EPHA5: variants seen among roughly 807,000 people sequenced by gnomAD.
The protein encoded by EPHA5 is ephrin type-A receptor 5.
EPHA5 carries 60 observed loss-of-function variants against 105.0 expected under a neutral mutation model. That is an observed-to-expected ratio of 0.57 (90% CI 0.46 to 0.71). The LOEUF (loss-of-function observed/expected upper bound fraction) is 0.71, where lower values mean the gene tolerates loss of function less well. Among genes scored for constraint, EPHA5 ranks in the 30% least tolerant of loss-of-function variants. EPHA5 has a pLI of 0.00. For missense variants in EPHA5, 1,218 were observed against 1,274.7 expected (o/e 0.96, Z 0.68); for synonymous variants, 513 against 449.1 (o/e 1.14, Z -1.80).
At chr4:65,358,171 C>G (rs79133319) in intron 11 of EPHA5, among the ~76,000 whole-genome samples, 40 of 151,598 alleles carry the variant, frequency 2.6e-4, no homozygotes, top group African/African-American at 8.9e-4. Context: ...CTAAACTAGG[C>G]CACATCACAA....
At position 65,528,890 on chromosome 4, in the gene EPHA5, C is replaced by A. The variant is rs143471816; in HGVS notation, c.911-33347G>T. On this transcript the variant is annotated intron_variant, in intron 3 of 16. Coordinates refer to ENST00000613740, the MANE Select transcript of EPHA5 (RefSeq NM_001281766.3). ...TCAAGGCTGACACAGCAGAAGGACT[C>A]TACTTCAAATTATAGGATAGTCCAG... Among the ~76,000 whole-genome samples, 592 of 152,234 alleles carry A rather than the reference C, an allele frequency of 3.9e-3. 5 individuals carry two copies. The highest frequency in any genetic ancestry group is 0.014 in the African/African-American group (564 of 41,548).
At chr4:65,358,750 C>A (rs1398954424) in intron 11 of EPHA5, among the ~76,000 whole-genome samples, 1 of 151,422 alleles carries the variant, frequency 6.6e-6, no homozygotes, top group Non-Finnish European at 1.5e-5. Flanking sequence ...TATATAATTT[C>A]AGATTGGGCA....
At chr4:65,351,030 A>G (rs1352594419) in intron 13 of EPHA5, among the ~76,000 whole-genome samples, 1 of 78,666 alleles carries the variant, frequency 1.3e-5, no homozygotes, top group Non-Finnish European at 2.8e-5. Flanking sequence ...ACACATACAT[A>G]CTATATATAT....
At chr4:65,352,955 A>T in intron 12 of EPHA5, 87 bp downstream of exon 12, 1 of 873,596 alleles carries the variant, frequency 1.1e-6, no homozygotes, top group Non-Finnish European at 1.7e-6. Flanking sequence ...CCCAAATTCA[A>T]CTTCAACATC....
rs13435563 is a variant in EPHA5 at position 65,460,404 on chromosome 4, C to A, written c.1402+29973G>T. 7.5e-3 allele frequency among the ~76,000 whole-genome samples: 1,125 copies of A among 150,840 alleles called. 18 individuals carry two copies. The highest frequency in any genetic ancestry group is 0.026 in the African/African-American group (1,083 of 41,260). On this transcript the variant is annotated intron_variant, in intron 5 of 16. Transcript: ENST00000613740. ...AACATTATTTAGTTTCCTTATGTCT[C>A]AGATTTTTAGCTTTGAATGAAGACT...
chr4:65,589,713 C>T (rs1200981070), intron 3 of EPHA5, among the ~76,000 whole-genome samples: 2 of 151,956 alleles, frequency 1.3e-5, no homozygotes, highest in East Asian at 3.9e-4. Flanking sequence ...CAGTCTGGTT[C>T]TAAAAAAAGA....
chr4:65,627,257 A>G (rs1746236569), intron 2 of EPHA5, among the ~76,000 whole-genome samples: 1 of 152,160 alleles, frequency 6.6e-6, no homozygotes, highest in African/African-American at 2.4e-5. Context: ...TCTGCTAAAC[A>G]TTTTTCAAGA....
intron 3 of EPHA5, among the ~76,000 whole-genome samples, chr4:65,517,149 A>T (rs1203441929): frequency 6.6e-6 from 1 of 151,898 alleles, no homozygotes; most frequent in Non-Finnish European, 1.5e-5. Context: ...GGACTTTTTA[A>T]ATGTACATAT....
Position 65,323,851 on chromosome 4 carries a change from T to A in EPHA5, c.*263A>T. On this transcript the variant is annotated 3_prime_UTR_variant, in exon 17 of 17. Transcript: ENST00000613740. ...ATTTTGTAGAAGTAGTGGGAAGGAT[T>A]CTGTTGTTGTAACTTAAGATGATGT... 1 of 294,672 alleles carries A rather than the reference T, an allele frequency of 3.4e-6. No individual in the cohort carries two copies. The highest frequency in any genetic ancestry group is 6.4e-6 in the Non-Finnish European group (1 of 157,252). 18.3% of individuals were successfully genotyped at this position (294,672 alleles called of 1,614,324 possible).
rs536507313 is a variant in EPHA5, at chr4:65,465,506, A to G, written c.1402+24871T>C. Among the ~76,000 whole-genome samples, 429 of 122,250 alleles carry G rather than the reference A, an allele frequency of 3.5e-3. 14 individuals are homozygous for G. The highest frequency in any genetic ancestry group is 9.7e-3 in the South Asian group (38 of 3,920). 80.2% of individuals were successfully genotyped at this position (122,250 alleles called of 152,430 possible). Reference sequence around the variant, plus strand: ...AAGAAAGAAAGAAAGAAAGAAAGAAAGAAAGAAAGAAAGAAAGAAAGAAAA... The same window carrying G: ...AAGAAAGAAAGAAAGAAAGAAAGAAGGAAAGAAAGAAAGAAAGAAAGAAAA... On this transcript the variant is annotated intron_variant, in intron 5 of 16. Coordinates refer to ENST00000613740, the MANE Select transcript of EPHA5 (RefSeq NM_001281766.3).
intron 5 of EPHA5, among the ~76,000 whole-genome samples, chr4:65,443,675 C>T (rs923803039): frequency 1.4e-4 from 22 of 152,070 alleles, no homozygotes; most frequent in African/African-American, 4.6e-4. Context: ...ATTACTAGAG[C>T]AGTAATACCT....
intron 5 of EPHA5, among the ~76,000 whole-genome samples, chr4:65,439,172 G>C (rs116074071): frequency 6.6e-6 from 1 of 152,010 alleles, no homozygotes; most frequent in Non-Finnish European, 1.5e-5. Context: ...CTAACCATTG[G>C]TACCACCATA....
intron 2 of EPHA5, among the ~76,000 whole-genome samples, chr4:65,613,099 C>T (rs752936971): frequency 3.0e-4 from 45 of 152,050 alleles, no homozygotes; most frequent in Non-Finnish European, 2.6e-4. Context: ...GTATAGCAAT[C>T]CAATTTTCCC....
At chr4:65,341,468 C>A (rs1721711285) in intron 14 of EPHA5, among the ~76,000 whole-genome samples, 1 of 151,572 alleles carries the variant, frequency 6.6e-6, no homozygotes, top group Non-Finnish European at 1.5e-5. Flanking sequence ...TGAATGTCAC[C>A]CCATAGAATC....
intron 3 of EPHA5, among the ~76,000 whole-genome samples, chr4:65,513,723 T>G (rs1267577861): frequency 6.6e-6 from 1 of 152,192 alleles, no homozygotes; most frequent in Non-Finnish European, 1.5e-5. Flanking sequence ...CTTTCACTTT[T>G]TTTGTGTTTT....
rs529285441 is a variant in EPHA5 at position 65,534,796 on chromosome 4, C to T, written c.911-39253G>A. Among the ~76,000 whole-genome samples the T allele has an allele frequency of 4.6e-5, 7 of 152,290 alleles. No individual in the cohort carries two copies. In the East Asian group the frequency reaches 9.6e-4, roughly 21 times the overall value. On this transcript the variant is annotated intron_variant, in intron 3 of 16. Coordinates refer to ENST00000613740, the MANE Select transcript of EPHA5 (RefSeq NM_001281766.3). ...TAGATTATTCTAGATGAGAGAAACA[C>T]TGCATCAAATACAACAAAACATGCT...
At chr4:65,664,240 A>G (rs1402854710) in intron 1 of EPHA5, among the ~76,000 whole-genome samples, 2 of 151,922 alleles carry the variant, frequency 1.3e-5, no homozygotes. Flanking sequence ...GGCACCAATT[A>G]TTTAGACTAG....
intron 3 of EPHA5, among the ~76,000 whole-genome samples, chr4:65,504,316 T>G (rs1311383611): frequency 6.6e-6 from 1 of 150,820 alleles, no homozygotes; most frequent in African/African-American, 2.4e-5. Context: ...AATAACAACT[T>G]CTATACTCCA....
intron 5 of EPHA5, among the ~76,000 whole-genome samples, chr4:65,432,939 G>C (rs1236165891): frequency 2.0e-5 from 3 of 151,794 alleles, no homozygotes; most frequent in African/African-American, 7.3e-5. Context: ...GTGGATTAGG[G>C]ATTTAAACAC....
Sources: gnomAD v4.1 joint callset for allele counts (sites outside exome capture counted in the v4.1 genomes callset) on GRCh38, gnomAD v4.1.1 for gene constraint, MANE v1.5 for transcripts, NCBI Gene and HGNC (gene_info 2026-07-23, HGNC 2026-07-21) for gene names.